C1QTNF7: variants seen among roughly 807,000 people sequenced by gnomAD.
C1QTNF7 encodes C1q and TNF related 7.
Under a neutral mutation model 19.6 loss-of-function variants are expected in C1QTNF7, and 15 were observed. The ratio of observed to expected loss-of-function variants is 0.76; its 90% CI spans 0.51 to 1.18. The LOEUF is 1.18. Among genes scored for constraint, C1QTNF7 ranks in the 50% most tolerant of loss-of-function variants. The pLI, the probability that C1QTNF7 is intolerant of heterozygous loss-of-function variation, is 0.00. For synonymous variants in C1QTNF7, 142 were observed against 137.5 expected, an observed-to-expected ratio of 1.03 and a Z score of -0.23; for missense variants, 324 against 359.7, an observed-to-expected ratio of 0.90 and a Z score of 0.80.
At chr4:15,374,423 T>C (rs941071005) in intron 1 of C1QTNF7, 1 of 312,188 alleles carries the variant, frequency 3.2e-6, no homozygotes, top group Non-Finnish European at 4.7e-6. Context: ...CTCACTGTGC[T>C]ATTTCCCAAA....
At chr4:15,376,614 G>T (rs1290068746) in intron 1 of C1QTNF7, among the ~76,000 whole-genome samples, 1 of 152,212 alleles carries the variant, frequency 6.6e-6, no homozygotes, top group Non-Finnish European at 1.5e-5. Context: ...AGGCTAGCGA[G>T]GTTTACTTGC....
intron 1 of C1QTNF7, among the ~76,000 whole-genome samples, chr4:15,402,517 G>A (rs1388309595): frequency 6.6e-6 from 1 of 152,000 alleles, no homozygotes; most frequent in African/African-American, 2.4e-5. Flanking sequence ...TGACAGAAAA[G>A]AATATAAATG....
chr4:15,356,490 A>G (rs1399786633), intron 1 of C1QTNF7, among the ~76,000 whole-genome samples: 2 of 152,194 alleles, frequency 1.3e-5, no homozygotes, highest in African/African-American at 4.8e-5. Flanking sequence ...TTCTTTATCC[A>G]GTCAATCATT....
At chr4:15,350,542 A>G (rs1200376501) in intron 1 of C1QTNF7, among the ~76,000 whole-genome samples, 1 of 152,068 alleles carries the variant, frequency 6.6e-6, no homozygotes, top group East Asian at 1.9e-4. Flanking sequence ...CTACCTCTCA[A>G]TGGAAATCTA....
At chr4:15,368,063 C>T (rs1219737652) in intron 1 of C1QTNF7, among the ~76,000 whole-genome samples, 2 of 152,150 alleles carry the variant, frequency 1.3e-5, no homozygotes, top group South Asian at 2.1e-4. Flanking sequence ...TTCTCTCTTT[C>T]TGTCCCTGAC....
At chr4:15,386,693 A>G (rs567616764) in intron 1 of C1QTNF7, among the ~76,000 whole-genome samples, 5 of 152,196 alleles carry the variant, frequency 3.3e-5, no homozygotes, top group Admixed American at 6.5e-5. Flanking sequence ...AGATGGGTAT[A>G]GGTGGAGTCA....
intron 1 of C1QTNF7, among the ~76,000 whole-genome samples, chr4:15,355,463 A>T (rs1717110008): frequency 6.6e-6 from 1 of 152,140 alleles, no homozygotes; most frequent in South Asian, 2.1e-4. Context: ...GCAAACAAGG[A>T]CTAGCAATGT....
chr4:15,432,580 G>A (rs1202423932), intron 1 of C1QTNF7, among the ~76,000 whole-genome samples: 1 of 152,154 alleles, frequency 6.6e-6, no homozygotes, highest in Non-Finnish European at 1.5e-5. Context: ...ATTTTTAGTA[G>A]AGATGGGTTT....
intron 1 of C1QTNF7, among the ~76,000 whole-genome samples, chr4:15,414,948 G>GC (rs1474079053): frequency 6.6e-6 from 1 of 152,162 alleles, no homozygotes; most frequent in African/African-American, 2.4e-5. Context: ...GAGAATAGAG[G>GC]CCAATGCCTT....
intron 1 of C1QTNF7, among the ~76,000 whole-genome samples, chr4:15,397,769 T>C (rs1718840995): frequency 6.6e-6 from 1 of 152,250 alleles, no homozygotes; most frequent in African/African-American, 2.4e-5. Context: ...AGCTCCACTG[T>C]AGATCCTAAA....
At chr4:15,437,297 C>T (rs918731202) in intron 2 of C1QTNF7, among the ~76,000 whole-genome samples, 3 of 151,754 alleles carry the variant, frequency 2.0e-5, no homozygotes, top group African/African-American at 4.8e-5. Flanking sequence ...TATCCTTGGC[C>T]ACATATGCTC....
chr4:15,380,328 G>A (rs1718089876), intron 1 of C1QTNF7, among the ~76,000 whole-genome samples: 1 of 152,204 alleles, frequency 6.6e-6, no homozygotes, highest in Non-Finnish European at 1.5e-5. Context: ...GTCTAAGAAT[G>A]CTGTAGCTAT....
At chr4:15,404,562 G>A (rs1346535606) in intron 1 of C1QTNF7, among the ~76,000 whole-genome samples, 1 of 152,210 alleles carries the variant, frequency 6.6e-6, no homozygotes, top group Non-Finnish European at 1.5e-5. Flanking sequence ...ATCCACCTCA[G>A]TAATTTCACT....
intron 1 of C1QTNF7, among the ~76,000 whole-genome samples, chr4:15,355,691 T>C (rs1717121391): frequency 6.6e-6 from 1 of 152,076 alleles, no homozygotes; most frequent in Non-Finnish European, 1.5e-5. Context: ...GGCTGAAGCT[T>C]GAGAGGAAAG....
chr4:15,367,985 T>G (rs10939617), intron 1 of C1QTNF7, among the ~76,000 whole-genome samples: 21,526 of 152,126 alleles, frequency 0.14, 1,758 homozygotes, highest in East Asian at 0.39. Context: ...ATGAAGTCAC[T>G]GCCAAAACTT....
At chr4:15,395,379 C>G (rs536873878) in intron 1 of C1QTNF7, among the ~76,000 whole-genome samples, 2 of 152,164 alleles carry the variant, frequency 1.3e-5, no homozygotes, top group Admixed American at 1.3e-4. Context: ...TTGGGCAAGC[C>G]CCCTTGCTTT....
chr4:15,412,710 C>T (rs139216606), intron 1 of C1QTNF7, among the ~76,000 whole-genome samples: 2 of 152,142 alleles, frequency 1.3e-5, no homozygotes, highest in South Asian at 2.1e-4. Context: ...GAGGCTATTG[C>T]GCAGCTCACC....
In C1QTNF7 at chr4:15,445,569, G is replaced by T. The variant is rs1179482040; in HGVS notation, c.*2770G>T. ...TTCGTTTTCAAATATCTGGTGGGAT[G>T]GTAATGGGGATTAGAGAACTGACAT... On this transcript the variant is annotated 3_prime_UTR_variant, in exon 3 of 3. Coordinates refer to ENST00000444304, the MANE Select transcript of C1QTNF7 (RefSeq NM_031911.5). The T allele has an allele frequency of 2.0e-5, 3 of 152,184 alleles. No individual in the cohort carries two copies. Among genetic ancestry groups the T allele is most frequent in the Admixed American group, 6.5e-5 (1 of 15,282 alleles). 9.4% of individuals were successfully genotyped at this position (152,184 alleles called of 1,614,324 possible).
intron 1 of C1QTNF7, among the ~76,000 whole-genome samples, chr4:15,404,923 G>C (rs1719138442): frequency 6.6e-6 from 1 of 152,120 alleles, no homozygotes. Flanking sequence ...TTCAGTAATT[G>C]CTTCAATTTT....
Sources: allele counts gnomAD v4.1 joint callset (sites outside exome capture counted in the v4.1 genomes callset), GRCh38; gene constraint gnomAD v4.1.1; transcripts MANE v1.5; gene names NCBI Gene and HGNC (gene_info 2026-07-23, HGNC 2026-07-21).